The following IQCM variants were observed in gnomAD, a reference collection of about 807,000 sequenced individuals.
IQCM encodes the protein IQ domain-containing protein M.
In IQCM, 45 loss-of-function variants were observed where a neutral mutation model predicts 57.6. That is an observed-to-expected ratio of 0.78 (90% confidence interval 0.62 to 1.00). IQCM has a LOEUF of 1.00. IQCM is among the 50% of genes least tolerant of loss of function. IQCM has a pLI of 0.00. For missense variants in IQCM, 468 were observed against 511.6 expected (o/e 0.91, Z 0.82); for synonymous variants, 148 against 158.9 (o/e 0.93, Z 0.51).
chr4:149,415,307 G>T (rs1733667133), intron 13 of IQCM, among the ~76,000 whole-genome samples: 1 of 152,146 alleles, frequency 6.6e-6, no homozygotes, highest in South Asian at 2.1e-4. Context: ...CTATATGAAA[G>T]AGAACCTGCC....
rs542669425 is a variant in IQCM at position 149,805,968 on chromosome 4, G to A, written c.-49+9343C>T. ...TTGGTAGTGCACAATGACAAGTTACGATGGCTTTGCTAAATTAATAAAGCT... is the reference window on the plus strand; with the variant it reads ...TTGGTAGTGCACAATGACAAGTTACAATGGCTTTGCTAAATTAATAAAGCT... On this transcript the variant is annotated intron_variant, in intron 2 of 13. Transcript: ENST00000636793. Among the ~76,000 whole-genome samples the A allele has an allele frequency of 1.8e-3, 278 of 151,880 alleles. 1 individual carries two copies. The highest frequency in any genetic ancestry group is 6.1e-3 in the African/African-American group (254 of 41,528).
At chr4:149,699,386 G>T (rs1008441579) in intron 5 of IQCM, among the ~76,000 whole-genome samples, 1 of 151,964 alleles carries the variant, frequency 6.6e-6, no homozygotes, top group Non-Finnish European at 1.5e-5. Flanking sequence ...CAGAAGCTTA[G>T]CAAAATTGCC....
chr4:149,726,135 G>GAAAGAAAGAAAGAAAGA (rs1436869061), intron 5 of IQCM, among the ~76,000 whole-genome samples: 16 of 145,876 alleles, frequency 1.1e-4, no homozygotes, highest in Admixed American at 3.4e-4. Flanking sequence ...AAGAAAGAAA[G>GAAAGAAAGAAAGAAAGA]AAAGAAAAGA....
intron 7 of IQCM, among the ~76,000 whole-genome samples, chr4:149,678,253 G>A (rs1363290362): frequency 1.3e-5 from 2 of 151,470 alleles, no homozygotes; most frequent in African/African-American, 4.9e-5. Flanking sequence ...CAAAGGTCAA[G>A]GATAAAGAAA....
chr4:149,791,927 G>A (rs1772658169), intron 2 of IQCM, among the ~76,000 whole-genome samples: 2 of 152,236 alleles, frequency 1.3e-5, no homozygotes, highest in South Asian at 4.1e-4. Flanking sequence ...AATACTGGTT[G>A]AAAACTAAAA....
At chr4:149,501,084 T>G (rs1743196012) in intron 12 of IQCM, among the ~76,000 whole-genome samples, 1 of 152,200 alleles carries the variant, frequency 6.6e-6, no homozygotes. Flanking sequence ...CCCTTCCATA[T>G]TTTGGCTTGC....
rs531694960 is a variant in IQCM, at chr4:149,592,631, TG to T, written c.682-4635del. Reference sequence around the variant, plus strand: ...CTTTAATCCATCTTGAATTAATTTTTGTATAAGGTGTAAGGAAGGGATCCAG... The same window carrying T: ...CTTTAATCCATCTTGAATTAATTTTTTATAAGGTGTAAGGAAGGGATCCAG... On this transcript the variant is annotated intron_variant, in intron 8 of 13. Transcript: ENST00000636793. Among the ~76,000 whole-genome samples, 239 of 151,378 alleles carry T rather than the reference TG, an allele frequency of 1.6e-3. 2 individuals carry two copies. Among genetic ancestry groups the T allele is most frequent in the African/African-American group, 5.5e-3 (229 of 41,506 alleles).
intron 13 of IQCM, among the ~76,000 whole-genome samples, chr4:149,421,758 G>A (rs1030163814): frequency 2.6e-5 from 4 of 151,734 alleles, no homozygotes; most frequent in African/African-American, 9.7e-5. Flanking sequence ...AATTTTAAAC[G>A]CTTTAAGGAA....
chr4:149,755,541 G>A (rs1768882265), intron 2 of IQCM, among the ~76,000 whole-genome samples: 1 of 152,022 alleles, frequency 6.6e-6, no homozygotes. Flanking sequence ...ACTTCTCCCA[G>A]GTGTATACTT....
At chr4:149,687,077 T>C in intron 5 of IQCM, among the ~76,000 whole-genome samples, 1 of 151,816 alleles carries the variant, frequency 6.6e-6, no homozygotes, top group South Asian at 2.1e-4. Flanking sequence ...TGAAATATTA[T>C]AACAAAAATA....
At chr4:149,423,575 A>T (rs1019814493) in intron 13 of IQCM, among the ~76,000 whole-genome samples, 2 of 152,044 alleles carry the variant, frequency 1.3e-5, no homozygotes, top group Non-Finnish European at 2.9e-5. Context: ...TCTCCCTTGC[A>T]AAGTGTTTTC....
intron 2 of IQCM, among the ~76,000 whole-genome samples, chr4:149,812,946 A>T (rs1208524267): frequency 6.6e-6 from 1 of 152,188 alleles, no homozygotes; most frequent in Non-Finnish European, 1.5e-5. Context: ...CCTGGTTATC[A>T]GTCAGCTACA....
intron 12 of IQCM, among the ~76,000 whole-genome samples, chr4:149,522,939 A>G (rs1221703521): frequency 6.6e-6 from 1 of 152,186 alleles, no homozygotes; most frequent in African/African-American, 2.4e-5. Flanking sequence ...GAAAACTATG[A>G]TATCTTAGTC....
At chr4:149,510,768 T>C (rs1744321452) in intron 12 of IQCM, among the ~76,000 whole-genome samples, 1 of 152,188 alleles carries the variant, frequency 6.6e-6, no homozygotes, top group South Asian at 2.1e-4. Context: ...TTCTCATAAT[T>C]AGACTGGGGT....
intron 12 of IQCM, among the ~76,000 whole-genome samples, chr4:149,455,998 A>T (rs1476222376): frequency 1.3e-5 from 2 of 151,998 alleles, no homozygotes; most frequent in Admixed American, 1.3e-4. Flanking sequence ...ATAAAATTTT[A>T]AAAAAGAAAA....
intron 2 of IQCM, among the ~76,000 whole-genome samples, chr4:149,781,220 A>G (rs1771574226): frequency 6.6e-6 from 1 of 152,148 alleles, no homozygotes; most frequent in Admixed American, 6.6e-5. Flanking sequence ...GTCCTTATCC[A>G]TTGTTTTGCT....
chr4:149,623,718 G>A (rs965461632), intron 7 of IQCM, among the ~76,000 whole-genome samples: 3 of 145,998 alleles, frequency 2.1e-5, no homozygotes, highest in Admixed American at 1.4e-4. Flanking sequence ...CTGAATCCCA[G>A]GTGTGTGTGT....
chr4:149,713,408 C>T (rs988035876), intron 5 of IQCM, among the ~76,000 whole-genome samples: 1 of 152,144 alleles, frequency 6.6e-6, no homozygotes, highest in Non-Finnish European at 1.5e-5. Flanking sequence ...TTTCTATCCA[C>T]CCTGTGGTGT....
chr4:149,387,382 C>T (rs1031429166), intron 13 of IQCM, among the ~76,000 whole-genome samples: 2 of 152,018 alleles, frequency 1.3e-5, no homozygotes, highest in Non-Finnish European at 2.9e-5. Flanking sequence ...CCGATCATAG[C>T]AGGTGGTGAC....
Sources: gnomAD v4.1 joint callset for allele counts (sites outside exome capture counted in the v4.1 genomes callset) on GRCh38, gnomAD v4.1.1 for gene constraint, MANE v1.5 for transcripts, NCBI Gene and HGNC (gene_info 2026-07-23, HGNC 2026-07-21) for gene names.